The following SIPA1L2 variants were observed in gnomAD, a reference collection of about 807,000 sequenced individuals.
SIPA1L2 encodes signal-induced proliferation-associated 1-like protein 2.
In SIPA1L2, 56 loss-of-function variants were observed where a neutral mutation model predicts 163.9. The ratio of observed to expected loss-of-function variants is 0.34; its 90% confidence interval spans 0.28 to 0.43. The LOEUF (loss-of-function observed/expected upper bound fraction) is 0.43. Ranked by LOEUF, SIPA1L2 falls within the 20% of genes least tolerant of loss-of-function variation. SIPA1L2 has a pLI of 1.00. For synonymous variants in SIPA1L2, 877 were observed against 865.7 expected, an observed-to-expected ratio of 1.01 and a Z score of -0.23; for missense variants, 1,974 against 2,193.5, an observed-to-expected ratio of 0.90 and a Z score of 2.00.
At chr1:232,499,696 A>C (rs1666367937) in intron 3 of SIPA1L2, among the ~76,000 whole-genome samples, 1 of 152,262 alleles carries the variant, frequency 6.6e-6, no homozygotes, top group South Asian at 2.1e-4. Flanking sequence ...ACGATAAACA[A>C]CACACTTTCA....
At chr1:232,568,494 C>G (rs549691756) in intron 2 of SIPA1L2, among the ~76,000 whole-genome samples, 1 of 152,234 alleles carries the variant, frequency 6.6e-6, no homozygotes, top group East Asian at 1.9e-4. Context: ...TCTCATAGAC[C>G]TATTGAATTA....
chr1:232,448,185 T>C (rs1663327673), intron 10 of SIPA1L2, among the ~76,000 whole-genome samples: 3 of 152,156 alleles, frequency 2.0e-5, no homozygotes, highest in Admixed American at 6.5e-5. Flanking sequence ...TGCCTAAGGT[T>C]CCCACCAACT....
At chr1:232,431,138 G>C (rs139211778) in intron 16 of SIPA1L2, among the ~76,000 whole-genome samples, 2 of 152,218 alleles carry the variant, frequency 1.3e-5, no homozygotes, top group East Asian at 3.9e-4. Context: ...CATATAAAAT[G>C]CTTCTAAAAA....
chr1:232,620,281 G>A (rs922293194), intron 1 of SIPA1L2, among the ~76,000 whole-genome samples: 2 of 152,182 alleles, frequency 1.3e-5, no homozygotes, highest in Non-Finnish European at 2.9e-5. Flanking sequence ...TTGCAGGGAT[G>A]ACAAGGAAAG....
Position 232,491,078 on chromosome 1 carries a change from A to G in SIPA1L2, c.1618-16T>C, listed in dbSNP as rs191180116. The G allele has an allele frequency of 1.4e-4, 232 of 1,605,274 alleles. No individual in the cohort carries two copies. The African/African-American group carries it at 2.6e-3, about 18-fold the overall frequency. On this transcript the variant is annotated splice_polypyrimidine_tract_variant and intron_variant, in intron 4 of 22. Transcript: ENST00000674635. ...GTGTTGTAAGCTGCAGTGACAAAAC[A>G]TAAGACTTCGGTTAATATTGATTCT... is the stretch of plus-strand genomic sequence containing the variant.
At position 232,441,361 on chromosome 1, in the gene SIPA1L2, A is replaced by G; in HGVS notation, c.3572T>C (p.Leu1191Pro). Residue 1191 changes from leucine (L) to proline (P), a missense_variant, in exon 14 of 23, where the codon CTG becomes CCG. Around this residue, in one of 3 missense-constraint regions of SIPA1L2, gnomAD observed 1,079 missense variants for 1,150.7 expected, o/e 0.94. Transcript: ENST00000674635. Reference protein sequence around the residue: ...TKWHGPPSKVLGSYKERALQK... With the variant: ...TKWHGPPSKVPGSYKERALQK... ...CAGAGCTCTTTCTTTATAGGAACCC[A>G]GGACTTTGGAAGGTGGGCCATGCCA... is the stretch of plus-strand genomic sequence containing the variant. 1 of 1,597,702 alleles carries G rather than the reference A, an allele frequency of 6.3e-7. No homozygotes were observed. Among genetic ancestry groups the G allele is most frequent in the Non-Finnish European group, 8.5e-7 (1 of 1,176,330 alleles).
upstream of SIPA1L2, among the ~76,000 whole-genome samples, chr1:232,630,149 G>C (rs1663315715): frequency 6.6e-6 from 1 of 151,258 alleles, no homozygotes; most frequent in Non-Finnish European, 1.5e-5. Flanking sequence ...GCCGGCTCCC[G>C]ATGCCACCGC....
upstream of SIPA1L2, among the ~76,000 whole-genome samples, chr1:232,630,240 C>A (rs554557549): frequency 1.3e-5 from 2 of 151,898 alleles, no homozygotes; most frequent in South Asian, 4.1e-4. Flanking sequence ...CGGCCCCGCC[C>A]CACGATTGGG....
chr1:232,481,738 A>T (rs1045704441), intron 6 of SIPA1L2, among the ~76,000 whole-genome samples: 9 of 152,150 alleles, frequency 5.9e-5, no homozygotes, highest in African/African-American at 2.2e-4. Context: ...TGCTCTAGTT[A>T]ACAGAGCACC....
intron 2 of SIPA1L2, among the ~76,000 whole-genome samples, chr1:232,559,409 G>C (rs1037792540): frequency 3.9e-5 from 6 of 152,188 alleles, no homozygotes; most frequent in Admixed American, 3.3e-4. Flanking sequence ...CTAAGCCTGG[G>C]AACTGCACAG....
chr1:232,529,123 T>C (rs1192555076), intron 2 of SIPA1L2, among the ~76,000 whole-genome samples: 6 of 152,224 alleles, frequency 3.9e-5, no homozygotes, highest in African/African-American at 9.6e-5. Context: ...TTTATTTGAA[T>C]GTTGTATTAA....
chr1:232,432,169 T>G, intron 16 of SIPA1L2, 78 bp downstream of exon 16: 1 of 1,160,294 alleles, frequency 8.6e-7, no homozygotes. Context: ...TACATTTCCT[T>G]TGGGAGGAAA....
intron 15 of SIPA1L2, among the ~76,000 whole-genome samples, chr1:232,438,412 T>C (rs1162652763): frequency 6.6e-6 from 1 of 152,236 alleles, no homozygotes; most frequent in African/African-American, 2.4e-5. Flanking sequence ...TAAATGCATT[T>C]CTTTGTCCTT....
chr1:232,572,738 C>CATATATATATAT (rs1219493276), intron 2 of SIPA1L2, among the ~76,000 whole-genome samples: 1 of 39,710 alleles, frequency 2.5e-5, no homozygotes, highest in Non-Finnish European at 5.5e-5. Flanking sequence ...TACATACATA[C>CATATATATATAT]ATATATATAT....
At chr1:232,560,304 A>G (rs1658957982) in intron 2 of SIPA1L2, among the ~76,000 whole-genome samples, 1 of 152,240 alleles carries the variant, frequency 6.6e-6, no homozygotes, top group Non-Finnish European at 1.5e-5. Context: ...AAACATTAGT[A>G]AGAAATCAGT....
rs1177046248 is a variant in SIPA1L2, at chr1:232,490,942, G to C, written c.1738C>G (p.Gln580Glu). Residue 580 changes from glutamine (Q) to glutamate (E), a missense_variant, in exon 5 of 23, where the codon CAG (glutamine) becomes GAG (glutamate). Physicochemically the swap from Gln to Glu is conservative, Grantham distance 29. This residue lies in a region of SIPA1L2 where 288 missense variants were observed against 418.9 expected (regional missense o/e 0.69). Transcript: ENST00000674635. Reference sequence around the variant, plus strand: ...GAGTTGGAAGCCTGTCGCAAACACTGAATGCTCAGCTCTGGAATGACGTAT... The same window carrying C: ...GAGTTGGAAGCCTGTCGCAAACACTCAATGCTCAGCTCTGGAATGACGTAT... The part of the protein sequence containing the change: ...LEYVIPELSI[Q>E]CLRQASNSPK... 1 of 1,614,160 alleles carries C rather than the reference G, an allele frequency of 6.2e-7. No individual in the cohort carries two copies. Among genetic ancestry groups the C allele is most frequent in the Non-Finnish European group, 8.5e-7 (1 of 1,180,026 alleles).
At chr1:232,457,165 A>C (rs1468430378) in intron 10 of SIPA1L2, among the ~76,000 whole-genome samples, 1 of 148,952 alleles carries the variant, frequency 6.7e-6, no homozygotes, top group Non-Finnish European at 1.5e-5. Context: ...ATTAATAAAT[A>C]CTTTTCCTAC....
rs372570515 is a variant in SIPA1L2 at position 232,514,681 on chromosome 1, T to A, written c.659A>T (p.Tyr220Phe). 1 of 1,614,234 alleles carries A rather than the reference T, an allele frequency of 6.2e-7. No individual in the cohort carries two copies. The highest frequency in any genetic ancestry group is 8.5e-7 in the Non-Finnish European group (1 of 1,180,040). Residue 220 changes from tyrosine (Y) to phenylalanine (F), a missense_variant, in exon 3 of 23, where the codon TAT (tyrosine) becomes TTT (phenylalanine). Around this residue, in one of 3 missense-constraint regions of SIPA1L2, gnomAD observed 607 missense variants for 624.0 expected, o/e 0.97. Coordinates refer to ENST00000674635, the MANE Select transcript of SIPA1L2 (RefSeq NM_020808.5). ...AMLRGYRVEN[Y>F]DHKAMVPFGF... The stretch of plus-strand genomic sequence containing the variant: ...AAAAGGGACCATTGCTTTGTGGTCA[T>A]AATTTTCTACTCGGTACCCTCTGAG...
At chr1:232,559,569 A>G (rs1658913773) in intron 2 of SIPA1L2, among the ~76,000 whole-genome samples, 1 of 152,222 alleles carries the variant, frequency 6.6e-6, no homozygotes, top group African/African-American at 2.4e-5. Flanking sequence ...GCACACCAAA[A>G]TGTATATGCA....
Sources: allele counts gnomAD v4.1 joint callset (sites outside exome capture counted in the v4.1 genomes callset), GRCh38; gene constraint gnomAD v4.1.1; regional missense constraint gnomAD v4.1.1; transcripts MANE v1.5; gene names NCBI Gene and HGNC (gene_info 2026-07-23, HGNC 2026-07-21).